RIT2: variants seen among roughly 807,000 people sequenced by gnomAD.
RIT2 encodes Ras like without CAAX 2.
Under a neutral mutation model 23.7 loss-of-function variants are expected in RIT2, and 24 were observed. The ratio of observed to expected loss-of-function variants is 1.01; its 90% CI spans 0.73 to 1.43. RIT2 has a LOEUF of 1.43. RIT2 is among the 40% of genes most tolerant of loss of function. The pLI, the probability that RIT2 is intolerant of heterozygous loss-of-function variation, is 0.00. For missense variants in RIT2, 236 were observed against 266.9 expected, an observed-to-expected ratio of 0.88 and a Z score of 0.81; for synonymous variants, 107 against 91.1, an observed-to-expected ratio of 1.17 and a Z score of -0.99.
intron 3 of RIT2, among the ~76,000 whole-genome samples, chr18:42,946,594 T>C (rs1909732925): frequency 6.6e-6 from 1 of 152,050 alleles, no homozygotes; most frequent in African/African-American, 2.4e-5. Flanking sequence ...CAAAACAGTA[T>C]ACACTTTCTA....
intron 1 of RIT2, among the ~76,000 whole-genome samples, chr18:43,035,794 C>A (rs1402606398): frequency 2.6e-5 from 4 of 152,202 alleles, no homozygotes; most frequent in African/African-American, 9.6e-5. Context: ...CGGCTATACA[C>A]CCGCCTTAGT....
At chr18:42,830,555 G>A (rs1189450373) in intron 4 of RIT2, among the ~76,000 whole-genome samples, 1 of 152,172 alleles carries the variant, frequency 6.6e-6, no homozygotes, top group Non-Finnish European at 1.5e-5. Context: ...GCTGGATTAA[G>A]AAGATTAAAC....
chr18:42,868,172 T>C (rs949957618), intron 4 of RIT2, among the ~76,000 whole-genome samples: 3 of 152,204 alleles, frequency 2.0e-5, no homozygotes, highest in Admixed American at 6.5e-5. Flanking sequence ...ACACATTCTT[T>C]TTTAACTGCT....
At chr18:42,843,200 C>T (rs58389621) in intron 4 of RIT2, among the ~76,000 whole-genome samples, 3 of 152,214 alleles carry the variant, frequency 2.0e-5, no homozygotes, top group East Asian at 1.9e-4. Context: ...TGAAAAATGG[C>T]TATAGTGATT....
chr18:43,039,547 C>A (rs1327325099), intron 1 of RIT2, among the ~76,000 whole-genome samples: 1 of 151,974 alleles, frequency 6.6e-6, no homozygotes, highest in Non-Finnish European at 1.5e-5. Context: ...AGGGTTTCTC[C>A]GTGTTGGTCA....
intron 2 of RIT2, among the ~76,000 whole-genome samples, chr18:43,033,604 A>G (rs766290205): frequency 2.6e-5 from 4 of 152,150 alleles, no homozygotes; most frequent in Admixed American, 1.3e-4. Context: ...TAGAATAGAT[A>G]ATACCAGACT....
chr18:42,946,085 A>G (rs1268199233), intron 3 of RIT2, among the ~76,000 whole-genome samples: 2 of 152,130 alleles, frequency 1.3e-5, no homozygotes, highest in African/African-American at 4.8e-5. Context: ...CTTTTAATAC[A>G]AAACTAAAAT....
intron 4 of RIT2, among the ~76,000 whole-genome samples, chr18:42,889,756 A>G (rs1342061948): frequency 6.6e-6 from 1 of 152,142 alleles, no homozygotes; most frequent in Non-Finnish European, 1.5e-5. Context: ...AGATAAACAT[A>G]CATACTCTAT....
intron 2 of RIT2, among the ~76,000 whole-genome samples, chr18:42,984,931 T>TA (rs139949537): frequency 0.18 from 27,067 of 151,810 alleles, 2,647 homozygotes; most frequent in Middle Eastern, 0.23. Flanking sequence ...CATACATGCT[T>TA]AGTTCTGCAA....
At chr18:42,763,300 A>G (rs1198373145) in intron 4 of RIT2, among the ~76,000 whole-genome samples, 1 of 152,154 alleles carries the variant, frequency 6.6e-6, no homozygotes, top group Non-Finnish European at 1.5e-5. Flanking sequence ...GTCTCTATTA[A>G]AAATACAAAA....
Position 42,914,183 on chromosome 18 carries a change from C to A in RIT2, c.426+9389G>T, listed in dbSNP as rs1452112830. On this transcript the variant is annotated intron_variant, in intron 4 of 4. Transcript: ENST00000326695. The stretch of plus-strand genomic sequence containing the variant: ...TGAAAACTAGTGATAATATCTAATG[C>A]TGGCAAGGGTGAGAATATAAAATAA... 3.3e-5 allele frequency among the ~76,000 whole-genome samples: 5 copies of A among 152,122 alleles called. 1 individual carries two copies. The Middle Eastern group carries it at 0.014, about 414-fold the overall frequency.
chr18:42,896,401 G>T (rs1186681438), intron 4 of RIT2, among the ~76,000 whole-genome samples: 2 of 152,180 alleles, frequency 1.3e-5, no homozygotes, highest in South Asian at 2.1e-4. Context: ...GTCTCTCAAT[G>T]GCCATTTTTT....
intron 4 of RIT2, among the ~76,000 whole-genome samples, chr18:42,791,791 TGC>T (rs146347865): frequency 0.016 from 2,383 of 152,340 alleles, 66 homozygotes; most frequent in African/African-American, 0.054. Flanking sequence ...CTTTCTTCTG[TGC>T]TTGGCCTATG....
intron 4 of RIT2, among the ~76,000 whole-genome samples, chr18:42,830,408 C>T (rs1340936103): frequency 6.6e-6 from 1 of 152,164 alleles, no homozygotes; most frequent in East Asian, 1.9e-4. Flanking sequence ...GTCAGGATAT[C>T]ACATGACTCA....
rs1465870865 is a variant in RIT2, at chr18:42,849,238, A to G, written c.426+74334T>C. Among the ~76,000 whole-genome samples the G allele has an allele frequency of 2.0e-5, 3 of 152,188 alleles. No homozygotes were observed. In the South Asian group the frequency reaches 6.2e-4, roughly 31 times the overall value. On this transcript the variant is annotated intron_variant, in intron 4 of 4. Transcript: ENST00000326695. ...ATCCAGTCTAAAATTCAATATTTAT[A>G]GGCCAAATAGACATTCTCCATCCAG... is the stretch of plus-strand genomic sequence containing the variant.
intron 4 of RIT2, among the ~76,000 whole-genome samples, chr18:42,832,418 A>G (rs1906485001): frequency 6.6e-6 from 1 of 152,204 alleles, no homozygotes; most frequent in Non-Finnish European, 1.5e-5. Context: ...TGAAACCAGG[A>G]ATTTTTCTTC....
At chr18:42,953,783 T>C (rs992153607) in intron 3 of RIT2, among the ~76,000 whole-genome samples, 7 of 152,268 alleles carry the variant, frequency 4.6e-5, no homozygotes, top group Admixed American at 4.6e-4. Flanking sequence ...TTTCTATAAA[T>C]AAACGTTTAA....
intron 4 of RIT2, among the ~76,000 whole-genome samples, chr18:42,744,551 C>T (rs994179073): frequency 7.2e-5 from 11 of 151,948 alleles, no homozygotes; most frequent in African/African-American, 2.4e-4. Flanking sequence ...TTTAGCTTTG[C>T]AAACTTGGTT....
At chr18:42,945,441 C>T (rs141058315) in intron 3 of RIT2, among the ~76,000 whole-genome samples, 21 of 151,936 alleles carry the variant, frequency 1.4e-4, no homozygotes, top group African/African-American at 5.1e-4. Context: ...TTTGAAAAGG[C>T]AAAACATAGA....
Sources: gnomAD v4.1 joint callset for allele counts (sites outside exome capture counted in the v4.1 genomes callset) on GRCh38, gnomAD v4.1.1 for gene constraint, MANE v1.5 for transcripts, NCBI Gene and HGNC (gene_info 2026-07-23, HGNC 2026-07-21) for gene names.